SRA1: variants seen among roughly 807,000 people sequenced by gnomAD.
SRA1 encodes steroid receptor RNA activator 1.
In SRA1, 25 loss-of-function variants were observed where a neutral mutation model predicts 24.3. That is an observed-to-expected ratio of 1.03 (90% CI 0.75 to 1.43). The LOEUF (loss-of-function observed/expected upper bound fraction) is 1.43, where lower values mean the gene tolerates loss of function less well. Ranked by LOEUF, SRA1 falls within the 40% of genes most tolerant of loss-of-function variation. The pLI is 0.00. For missense variants in SRA1, 303 were observed against 286.6 expected, an observed-to-expected ratio of 1.06 and a Z score of -0.41; for synonymous variants, 104 against 109.5, an observed-to-expected ratio of 0.95 and a Z score of 0.31.
At chr5:140,557,003 T>C (rs2127122486) in intron 2 of SRA1, 144 bp downstream of exon 2, 1 of 704,810 alleles carries the variant, frequency 1.4e-6, no homozygotes, top group Non-Finnish European at 2.4e-6. Flanking sequence ...GAAAAGCACC[T>C]GCTCTGAGAC....
At chr5:140,557,087 T>C in intron 2 of SRA1, 60 bp downstream of exon 2, 1 of 1,423,766 alleles carries the variant, frequency 7.0e-7, no homozygotes, top group Non-Finnish European at 9.4e-7. Context: ...AACAGGCTTA[T>C]GCCTTACACC....
chr5:140,556,292 G>A (rs555219578), intron 2 of SRA1, among the ~76,000 whole-genome samples: 1 of 152,182 alleles, frequency 6.6e-6, no homozygotes, highest in African/African-American at 2.4e-5. Flanking sequence ...TGGGGGCCAC[G>A]GCACAGCCCA....
rs78308014 is a variant in SRA1, at chr5:140,556,188, G to A, written c.151+959C>T. On this transcript the variant is annotated intron_variant, in intron 2 of 4. Coordinates refer to ENST00000336283, the MANE Select transcript of SRA1 (RefSeq NM_001035235.4). ...CTGGCCACAACCTATCAATACTGCT[G>A]AGTTTAAGAAACCAAGCCTTGTATC... 4.4e-3 allele frequency among the ~76,000 whole-genome samples: 665 copies of A among 152,326 alleles called. 4 individuals are homozygous for A. Among genetic ancestry groups the A allele is most frequent in the African/African-American group, 0.015 (626 of 41,568 alleles).
Position 140,557,232 on chromosome 5 carries a change from TGAG to T in SRA1, c.63_65del (p.Phe21_Ser22delinsLeu). ...CGCCGGCCTGGGTCTGCAGCCCGTATGAGAACTGCGGCGGGTCGTTCCAGCCGC... is the reference window on the plus strand; with the variant it reads ...CGCCGGCCTGGGTCTGCAGCCCGTATAACTGCGGCGGGTCGTTCCAGCCGC... On this transcript the variant is annotated inframe_deletion, in exon 2 of 5. Coordinates refer to ENST00000336283, the MANE Select transcript of SRA1 (RefSeq NM_001035235.4). The T allele has an allele frequency of 6.2e-7, 1 of 1,613,266 alleles. No homozygotes were observed. Among genetic ancestry groups the T allele is most frequent in the South Asian group, 1.1e-5 (1 of 91,062 alleles).
intron 2 of SRA1, among the ~76,000 whole-genome samples, chr5:140,556,130 T>A (rs191475057): frequency 6.6e-6 from 1 of 152,228 alleles, no homozygotes; most frequent in Non-Finnish European, 1.5e-5. Flanking sequence ...CTGATTAACA[T>A]AAGACACAGG....
chr5:140,552,690 C>A, intron 2 of SRA1, among the ~76,000 whole-genome samples: 1 of 150,288 alleles, frequency 6.7e-6, no homozygotes. Flanking sequence ...TAAACCAGGC[C>A]TGGGCACAGT....
At chr5:140,556,917 G>C (rs1052217316) in intron 2 of SRA1, among the ~76,000 whole-genome samples, 3 of 152,154 alleles carry the variant, frequency 2.0e-5, no homozygotes, top group African/African-American at 4.8e-5. Context: ...GTCTGGATAA[G>C]ATCATCTAGG....
rs779689351 is a variant in SRA1 at position 140,552,039 on chromosome 5, C to T, written c.297G>A (p.Met99Ile). The T allele has an allele frequency of 2.3e-4, 369 of 1,586,508 alleles. No homozygotes were observed. Among genetic ancestry groups the T allele is most frequent in the Non-Finnish European group, 3.1e-4 (359 of 1,165,262 alleles). Residue 99 changes from methionine (M) to isoleucine (I), a missense_variant, in exon 3 of 5, where the codon ATG becomes ATA. Transcript: ENST00000336283. ...GTTCCAAAGGTCTCAGCACATCCTC[C>T]ATCACAGCCTCAGACTCGACTGGGA... The part of the protein sequence containing the change: ...TSFPVESEAV[M>I]EDVLRPLEQA...
At chr5:140,551,935 G>A in intron 3 of SRA1, 47 bp downstream of exon 3, 1 of 1,543,064 alleles carries the variant, frequency 6.5e-7, no homozygotes, top group Non-Finnish European at 8.9e-7. Flanking sequence ...TCCTGCATTT[G>A]GCTGTGGATG....
At chr5:140,557,589 G>A, upstream of SRA1, 1 of 1,019,846 alleles carries the variant, frequency 9.8e-7, no homozygotes, top group East Asian at 2.6e-5. Context: ...ACCGTCGGGA[G>A]CCGCTGTGGG....
At position 140,550,094 on chromosome 5, in the gene SRA1, A is replaced by G. The variant is rs1251718060; in HGVS notation, c.*606T>C. 6.4e-6 allele frequency: 1 copy of G among 155,338 alleles called. No individual in the cohort carries two copies. The highest frequency in any genetic ancestry group is 2.4e-5 in the African/African-American group (1 of 41,470). 9.6% of individuals were successfully genotyped at this position (155,338 alleles called of 1,614,324 possible). A position where few individuals can be genotyped will look rare whatever the true frequency, so the allele number is the denominator to read the frequency against. The stretch of plus-strand genomic sequence containing the variant: ...GAGGCAGCAGTTTGTTTGGCAAGTC[A>G]GAGTTACAATCCCCAATCTCAGTAA... On this transcript the variant is annotated 3_prime_UTR_variant, in exon 5 of 5. Coordinates refer to ENST00000336283, the MANE Select transcript of SRA1 (RefSeq NM_001035235.4).
At chr5:140,557,500 C>A, upstream of SRA1, 2 of 1,539,754 alleles carry the variant, frequency 1.3e-6, no homozygotes, top group Non-Finnish European at 1.7e-6. Flanking sequence ...TCCGGGGCGG[C>A]CCCTCACGCG....
In SRA1 at chr5:140,550,897, G is replaced by T. The variant is rs376998976; in HGVS notation, c.478C>A (p.Arg160=). The T allele has an allele frequency of 5.6e-6, 9 of 1,613,922 alleles. No homozygotes were observed. ...ALLVQELSSH[R]WDAADDIHRS... ...TGGATGTCATCTGCTGCGTCCCACC[G>T]GTGGCTTGAAAGCTCTGAAGAGAGA... is the stretch of plus-strand genomic sequence containing the variant. The change falls in exon 5 of 5, where the codon CGG becomes AGG. Residue 160 remains arginine (R), a synonymous_variant. Transcript: ENST00000336283.
At position 140,550,166 on chromosome 5, in the gene SRA1, T is replaced by C. The variant is rs1363678925; in HGVS notation, c.*534A>G. ...TTTACACAGAAAACCCCACTCAATG[T>C]GGTTCTAATCTCTGTAACAGTAGTA... On this transcript the variant is annotated 3_prime_UTR_variant, in exon 5 of 5. Transcript: ENST00000336283. 1 of 155,352 alleles carries C rather than the reference T, an allele frequency of 6.4e-6. No individual in the cohort carries two copies. The highest frequency in any genetic ancestry group is 1.9e-4 in the East Asian group (1 of 5,244). 9.6% of individuals were successfully genotyped at this position (155,352 alleles called of 1,614,324 possible).
intron 2 of SRA1, among the ~76,000 whole-genome samples, chr5:140,555,755 C>A (rs1754678392): frequency 1.3e-5 from 2 of 151,866 alleles, no homozygotes; most frequent in African/African-American, 4.8e-5. Context: ...CTCCCCCTCC[C>A]CAAAACCACC....
intron 1 of SRA1, 48 bp from the exon 2 acceptor site, chr5:140,557,320 G>A (rs962567554): frequency 6.2e-7 from 1 of 1,606,162 alleles, no homozygotes; most frequent in Non-Finnish European, 8.5e-7. Context: ...TCCACTGTTA[G>A]CTTATACTGG....
chr5:140,557,094 C>T, intron 2 of SRA1, 53 bp downstream of exon 2: 1 of 983,862 alleles, frequency 1.0e-6, no homozygotes. Flanking sequence ...TTATGCCTTA[C>T]ACCCCCCCCC....
chr5:140,553,608 T>C (rs941259133), intron 2 of SRA1, among the ~76,000 whole-genome samples: 5 of 152,212 alleles, frequency 3.3e-5, no homozygotes, highest in African/African-American at 9.7e-5. Context: ...GAGTTTGATC[T>C]TGAGTCAATG....
chr5:140,557,339 G>A, intron 1 of SRA1, 67 bp from the exon 2 acceptor site: 1 of 1,604,230 alleles, frequency 6.2e-7, no homozygotes, highest in Non-Finnish European at 8.5e-7. Flanking sequence ...GGGGCTGGGG[G>A]AGACAGAGGG....
Sources: allele counts gnomAD v4.1 joint callset (sites outside exome capture counted in the v4.1 genomes callset), GRCh38; gene constraint gnomAD v4.1.1; transcripts MANE v1.5; gene names NCBI Gene and HGNC (gene_info 2026-07-23, HGNC 2026-07-21).